Variants in ABCA12 observed in about 807,000 individuals in gnomAD.
ABCA12 encodes ATP binding cassette subfamily A member 12.
A neutral mutation model predicts 293.5 loss-of-function variants in ABCA12; 156 were observed. That is an observed-to-expected ratio of 0.53 (90% confidence interval 0.47 to 0.61). ABCA12 has a LOEUF of 0.61. Ranked by LOEUF, ABCA12 falls within the 20% of genes least tolerant of loss-of-function variation. The pLI is 0.00. For missense variants in ABCA12, 2,797 were observed against 3,090.2 expected, an observed-to-expected ratio of 0.91 and a Z score of 2.25; for synonymous variants, 1,063 against 1,108.0, an observed-to-expected ratio of 0.96 and a Z score of 0.81.
chr2:214,932,820 T>C, intron 52 of ABCA12, 79 bp from the exon 53 acceptor site: 1 of 969,706 alleles, frequency 1.0e-6, no homozygotes, highest in East Asian at 2.5e-5. Context: ...TCTCTCTCTC[T>C]CCCCTTCCTC....
At position 214,978,542 on chromosome 2, in the gene ABCA12, T is replaced by A. The variant is rs571164715; in HGVS notation, c.4978-76A>T. 1.3e-5 allele frequency: 20 copies of A among 1,538,714 alleles called. 1 individual carries two copies. The East Asian group carries it at 4.4e-4, about 34-fold the overall frequency. ...TCTCATTTCTAAGCTTACCTTTGATTTTGAACTTTTATCACATTTACTGAG... is the reference window on the plus strand; with the variant it reads ...TCTCATTTCTAAGCTTACCTTTGATATTGAACTTTTATCACATTTACTGAG... On this transcript the variant is annotated intron_variant, in intron 32 of 52. Coordinates refer to ENST00000272895, the MANE Select transcript of ABCA12 (RefSeq NM_173076.3).
intron 28 of ABCA12, 93 bp downstream of exon 28, chr2:214,986,449 T>C: frequency 4.2e-6 from 5 of 1,203,360 alleles, no homozygotes; most frequent in Non-Finnish European, 4.8e-6. Flanking sequence ...GTAATAACTT[T>C]ATGTTTTATA....
At chr2:215,060,455 C>A (rs1051181169) in intron 3 of ABCA12, among the ~76,000 whole-genome samples, 1 of 151,806 alleles carries the variant, frequency 6.6e-6, no homozygotes, top group Non-Finnish European at 1.5e-5. Flanking sequence ...TCATAATGAT[C>A]AATGTTTCTG....
rs1433742770 is a variant in ABCA12 at position 214,966,801 on chromosome 2, A to G, written c.5884+47T>C. 4.5e-6 allele frequency: 7 copies of G among 1,551,194 alleles called. No homozygotes were observed. In the Admixed American group the frequency reaches 5.0e-5, roughly 11 times the overall value. On this transcript the variant is annotated intron_variant, in intron 39 of 52. Transcript: ENST00000272895. ...ATATAAAGTGCATTTTTATACAAAG[A>G]GTAACAGAAGTTGCAATACAGGACA...
intron 5 of ABCA12, among the ~76,000 whole-genome samples, 158 bp downstream of exon 5, chr2:215,052,329 A>T (rs374624606): frequency 1.3e-5 from 2 of 152,124 alleles, no homozygotes; most frequent in East Asian, 3.9e-4. Context: ...CTTAAAATTA[A>T]GCTGTTTATT....
At chr2:215,116,312 A>G (rs1702685317) in intron 1 of ABCA12, among the ~76,000 whole-genome samples, 1 of 152,210 alleles carries the variant, frequency 6.6e-6, no homozygotes, top group Admixed American at 6.5e-5. Flanking sequence ...TCTAGGTGTG[A>G]TCATTGCTAG....
intron 28 of ABCA12, 91 bp downstream of exon 28, chr2:214,986,451 T>C: frequency 8.3e-7 from 1 of 1,210,678 alleles, no homozygotes; most frequent in Non-Finnish European, 1.2e-6. Context: ...AATAACTTTA[T>C]GTTTTATAAA....
intron 1 of ABCA12, among the ~76,000 whole-genome samples, chr2:215,124,258 T>C (rs1375951104): frequency 6.6e-6 from 1 of 152,224 alleles, no homozygotes; most frequent in Non-Finnish European, 1.5e-5. Flanking sequence ...GAATGTGCAT[T>C]GTGCTTCTAT....
Position 214,987,676 on chromosome 2 carries a change from A to ATGT in ABCA12, c.3944_3946dup (p.Asn1315dup). 1 of 1,614,056 alleles carries ATGT rather than the reference A, an allele frequency of 6.2e-7. No individual in the cohort carries two copies. The highest frequency in any genetic ancestry group is 1.1e-5 in the South Asian group (1 of 91,080). The stretch of plus-strand genomic sequence containing the variant: ...AGATGGGTTGGTGTTCTGCATCATG[A>ATGT]TGTTAGTAAACATGAGGCCATTGCT... On this transcript the variant is annotated inframe_insertion, in exon 27 of 53. Coordinates refer to ENST00000272895, the MANE Select transcript of ABCA12 (RefSeq NM_173076.3).
At position 215,010,316 on chromosome 2, in the gene ABCA12, T is replaced by C; in HGVS notation, c.2472+15A>G. The C allele has an allele frequency of 6.2e-7, 1 of 1,613,420 alleles. No homozygotes were observed. Among genetic ancestry groups the C allele is most frequent in the Non-Finnish European group, 8.5e-7 (1 of 1,179,448 alleles). ...CTTAATAGTCAAAATAGAAACTGAGTTATAATGGTCAAACCTTTTCCATTA... is the reference window on the plus strand; with the variant it reads ...CTTAATAGTCAAAATAGAAACTGAGCTATAATGGTCAAACCTTTTCCATTA... On this transcript the variant is annotated intron_variant, in intron 18 of 52. Coordinates refer to ENST00000272895, the MANE Select transcript of ABCA12 (RefSeq NM_173076.3).
intron 6 of ABCA12, among the ~76,000 whole-genome samples, chr2:215,047,314 G>A (rs1701223687): frequency 1.3e-5 from 2 of 152,160 alleles, no homozygotes; most frequent in Admixed American, 6.6e-5. Context: ...ATATTTTGGT[G>A]AGAGGGATAT....
intron 18 of ABCA12, among the ~76,000 whole-genome samples, chr2:215,009,997 T>C (rs1463446316): frequency 2.6e-5 from 4 of 152,326 alleles, no homozygotes; most frequent in African/African-American, 7.2e-5. Flanking sequence ...TCTAGTACAA[T>C]AATTTTTACA....
chr2:214,944,456 C>A (rs763069829), intron 49 of ABCA12, among the ~76,000 whole-genome samples: 1 of 151,384 alleles, frequency 6.6e-6, no homozygotes, highest in Non-Finnish European at 1.5e-5. Flanking sequence ...AAATAGAAAG[C>A]ACAGCCAAAG....
At chr2:214,965,934 A>G (rs1366097206) in intron 39 of ABCA12, among the ~76,000 whole-genome samples, 1 of 152,220 alleles carries the variant, frequency 6.6e-6, no homozygotes, top group African/African-American at 2.4e-5. Flanking sequence ...ATACATGCAC[A>G]TGTATGTTCA....
intron 50 of ABCA12, among the ~76,000 whole-genome samples, chr2:214,942,050 G>A (rs555361904): frequency 2.0e-4 from 31 of 152,280 alleles, no homozygotes; most frequent in African/African-American, 7.0e-4. Flanking sequence ...TTTCTTCATA[G>A]TGTTGATGGT....
At chr2:215,035,317 A>G (rs1700968625) in intron 8 of ABCA12, among the ~76,000 whole-genome samples, 1 of 152,202 alleles carries the variant, frequency 6.6e-6, no homozygotes, top group Non-Finnish European at 1.5e-5. Flanking sequence ...TTTTATGAAT[A>G]AAAATACATT....
rs754267983 is a variant in ABCA12, at chr2:215,111,732, A to G, written c.70-42T>C. 3.4e-6 allele frequency: 5 copies of G among 1,482,112 alleles called. No individual in the cohort carries two copies. In the East Asian group the frequency reaches 1.1e-4, roughly 34 times the overall value. 91.8% of individuals were successfully genotyped at this position (1,482,112 alleles called of 1,614,324 possible). A position where few individuals can be genotyped will look rare whatever the true frequency, so the allele number is the denominator to read the frequency against. On this transcript the variant is annotated intron_variant, in intron 1 of 52. Coordinates refer to ENST00000272895, the MANE Select transcript of ABCA12 (RefSeq NM_173076.3). ...GAAAAAATTGTTAGTTTTATTGTTG[A>G]ACCAAAGATTTTTAAAACCTGACTA... is the stretch of plus-strand genomic sequence containing the variant.
chr2:215,025,863 T>A, intron 10 of ABCA12, 84 bp from the exon 11 acceptor site: 1 of 909,484 alleles, frequency 1.1e-6, no homozygotes, highest in South Asian at 1.4e-5. Context: ...CTATCCTGAC[T>A]TATTACTAAA....
At chr2:215,106,718 T>G (rs899438446) in intron 2 of ABCA12, among the ~76,000 whole-genome samples, 1 of 145,006 alleles carries the variant, frequency 6.9e-6, no homozygotes, top group South Asian at 2.2e-4. Flanking sequence ...CTTGTATGCA[T>G]CCCTGAAGAT....
Sources: allele counts gnomAD v4.1 joint callset (sites outside exome capture counted in the v4.1 genomes callset), GRCh38; gene constraint gnomAD v4.1.1; transcripts MANE v1.5; gene names NCBI Gene and HGNC (gene_info 2026-07-23, HGNC 2026-07-21).